SYBU: variants seen among roughly 807,000 people sequenced by gnomAD.
SYBU encodes GOLSYN A protein.
Under a neutral mutation model 35.9 loss-of-function variants are expected in SYBU, and 21 were observed. That is an observed-to-expected ratio of 0.58 (90% confidence interval 0.41 to 0.84). The LOEUF is 0.84. Among genes scored for constraint, SYBU ranks in the 40% least tolerant of loss-of-function variants. SYBU has a pLI of 0.00. For missense variants in SYBU, 768 were observed against 848.2 expected, an observed-to-expected ratio of 0.91 and a Z score of 1.17; for synonymous variants, 319 against 324.3, an observed-to-expected ratio of 0.98 and a Z score of 0.18.
At chr8:109,610,796 C>T (rs915604161) in intron 3 of SYBU, among the ~76,000 whole-genome samples, 1 of 152,212 alleles carries the variant, frequency 6.6e-6, no homozygotes, top group African/African-American at 2.4e-5. Flanking sequence ...CTGCATTCCT[C>T]TGCTAAAGTC....
At chr8:109,580,398 G>T (rs562151677) in intron 4 of SYBU, 9 of 190,746 alleles carry the variant, frequency 4.7e-5, no homozygotes, top group Admixed American at 3.7e-4. Flanking sequence ...AGAAATATTT[G>T]CATTTGGTTC....
chr8:109,671,426 T>TGA (rs1816978062), intron 1 of SYBU, among the ~76,000 whole-genome samples: 1 of 152,188 alleles, frequency 6.6e-6, no homozygotes, highest in African/African-American at 2.4e-5. Flanking sequence ...AGAGCCTTTT[T>TGA]CAGTGGGGGC....
At chr8:109,627,539 A>G (rs1813123400) in intron 2 of SYBU, among the ~76,000 whole-genome samples, 1 of 152,172 alleles carries the variant, frequency 6.6e-6, no homozygotes, top group Non-Finnish European at 1.5e-5. Flanking sequence ...TGTTGGGAAA[A>G]TGGAGGCTCA....
intron 2 of SYBU, among the ~76,000 whole-genome samples, chr8:109,636,482 T>C (rs942181654): frequency 6.6e-6 from 1 of 152,226 alleles, no homozygotes; most frequent in Non-Finnish European, 1.5e-5. Context: ...TCATTCATTT[T>C]TGTAGCCTAA....
At chr8:109,675,288 T>A (rs984233307) in intron 1 of SYBU, among the ~76,000 whole-genome samples, 13 of 151,908 alleles carry the variant, frequency 8.6e-5, no homozygotes, top group Non-Finnish European at 1.9e-4. Flanking sequence ...ATAACTAAGA[T>A]CAGAGCAGAA....
intron 3 of SYBU, among the ~76,000 whole-genome samples, chr8:109,614,240 T>C (rs1379020353): frequency 1.3e-5 from 2 of 152,236 alleles, no homozygotes; most frequent in Non-Finnish European, 2.9e-5. Flanking sequence ...ATTAGATCTT[T>C]TTCTTCCTTG....
chr8:109,603,148 T>A (rs931422874), intron 3 of SYBU, among the ~76,000 whole-genome samples: 3 of 152,366 alleles, frequency 2.0e-5, no homozygotes, highest in Admixed American at 6.5e-5. Flanking sequence ...CTTCTCGAGC[T>A]GGGGCGGAAG....
At chr8:109,670,060 C>T (rs533145232) in intron 1 of SYBU, among the ~76,000 whole-genome samples, 42 of 152,190 alleles carry the variant, frequency 2.8e-4, no homozygotes, top group African/African-American at 1.0e-3. Flanking sequence ...TTTTATTATT[C>T]TGTTATTAGC....
chr8:109,687,000 A>G (rs1383104266), intron 1 of SYBU, among the ~76,000 whole-genome samples: 1 of 152,192 alleles, frequency 6.6e-6, no homozygotes, highest in African/African-American at 2.4e-5. Flanking sequence ...AAATATTATG[A>G]TAATAAATAC....
At chr8:109,614,297 A>G (rs534635741) in intron 3 of SYBU, among the ~76,000 whole-genome samples, 1 of 152,378 alleles carries the variant, frequency 6.6e-6, no homozygotes, top group African/African-American at 2.4e-5. Flanking sequence ...AATGAGGCCC[A>G]GCACTGTCAT....
chr8:109,617,701 C>A (rs1012673037), intron 3 of SYBU, among the ~76,000 whole-genome samples: 2 of 152,118 alleles, frequency 1.3e-5, no homozygotes, highest in African/African-American at 4.8e-5. Context: ...CATTCCTTTT[C>A]TTTTACATAT....
intron 3 of SYBU, among the ~76,000 whole-genome samples, chr8:109,609,774 TA>T (rs1366670310): frequency 1.3e-5 from 2 of 152,078 alleles, no homozygotes; most frequent in Admixed American, 1.3e-4. Context: ...TCTAAAATAA[TA>T]AATAATTAAA....
At chr8:109,611,775 A>G (rs868559850) in intron 3 of SYBU, among the ~76,000 whole-genome samples, 3 of 152,174 alleles carry the variant, frequency 2.0e-5, no homozygotes, top group Non-Finnish European at 2.9e-5. Flanking sequence ...TTTGCTATTC[A>G]TATCTTTATG....
chr8:109,684,407 T>C (rs530388231), upstream of SYBU, among the ~76,000 whole-genome samples: 9 of 152,352 alleles, frequency 5.9e-5, no homozygotes, highest in South Asian at 8.3e-4. Context: ...GAATAATAGA[T>C]GCTGGATTTA....
At chr8:109,597,988 G>A (rs1825088706) in intron 3 of SYBU, among the ~76,000 whole-genome samples, 1 of 152,204 alleles carries the variant, frequency 6.6e-6, no homozygotes, top group East Asian at 1.9e-4. Context: ...GAGAGTCACT[G>A]TTTCAGAAGA....
At chr8:109,683,685 A>G (rs1196720667), upstream of SYBU, among the ~76,000 whole-genome samples, 5 of 152,162 alleles carry the variant, frequency 3.3e-5, no homozygotes, top group Non-Finnish European at 5.9e-5. Context: ...GGGAGGGGCC[A>G]GGGGCAGAAT....
intron 3 of SYBU, among the ~76,000 whole-genome samples, chr8:109,591,807 C>T (rs1050766545): frequency 6.6e-5 from 10 of 151,892 alleles, no homozygotes; most frequent in South Asian, 2.1e-4. Context: ...CCACCGCGCC[C>T]GGCCAAAAAT....
upstream of SYBU, among the ~76,000 whole-genome samples, chr8:109,681,839 T>A (rs1464868122): frequency 2.6e-5 from 4 of 152,184 alleles, no homozygotes; most frequent in Non-Finnish European, 5.9e-5. Flanking sequence ...AGGGGCCTGG[T>A]GGGAGGTAAT....
In SYBU at chr8:109,575,329, C is replaced by T; in HGVS notation, c.1569G>A (p.Glu523=). 1 of 1,614,182 alleles carries T rather than the reference C, an allele frequency of 6.2e-7. No homozygotes were observed. Among genetic ancestry groups the T allele is most frequent in the East Asian group, 2.2e-5 (1 of 44,868 alleles). Residue 523 remains glutamate (E), a synonymous_variant, in exon 7 of 7, where the codon GAG becomes GAA. Transcript: ENST00000276646. ...AGCTCTCCATCGAGTCTGGTTCAGACTCATCAGGGGACGCCAAGCTCGAGG... is the reference window on the plus strand; with the variant it reads ...AGCTCTCCATCGAGTCTGGTTCAGATTCATCAGGGGACGCCAAGCTCGAGG... The part of the protein sequence containing the change: ...PCPSSLASPD[E]SEPDSMESFP...
Sources: gnomAD v4.1 joint callset for allele counts (sites outside exome capture counted in the v4.1 genomes callset) on GRCh38, gnomAD v4.1.1 for gene constraint, MANE v1.5 for transcripts, NCBI Gene and HGNC (gene_info 2026-07-23, HGNC 2026-07-21) for gene names.